The following ACACA variants were observed in gnomAD, a reference collection of about 807,000 sequenced individuals.
ACACA encodes acetyl-CoA carboxylase alpha, also known as acetyl-CoA carboxylase 1.
In ACACA, 103 loss-of-function variants were observed where a neutral mutation model predicts 296.1. The ratio of observed to expected loss-of-function variants is 0.35; its 90% CI spans 0.30 to 0.41. ACACA has a LOEUF of 0.41. ACACA is among the 10% of genes least tolerant of loss of function. The pLI, the probability that ACACA is intolerant of heterozygous loss-of-function variation, is 1.00. For synonymous variants in ACACA, 953 were observed against 1,038.6 expected, an observed-to-expected ratio of 0.92 and a Z score of 1.58; for missense variants, 1,554 against 2,989.7, an observed-to-expected ratio of 0.52 and a Z score of 11.20.
At chr17:37,362,241 A>G (rs1333183884) in intron 1 of ACACA, among the ~76,000 whole-genome samples, 1 of 152,224 alleles carries the variant, frequency 6.6e-6, no homozygotes, top group East Asian at 1.9e-4. Flanking sequence ...GTACTTTGCT[A>G]TAACAGCCCT....
chr17:37,226,389 T>C lies in ACACA; in HGVS notation c.3310A>G (p.Thr1104Ala). 6.2e-7 allele frequency: 1 copy of C among 1,614,180 alleles called. No individual in the cohort carries two copies. Among genetic ancestry groups the C allele is most frequent in the Non-Finnish European group, 8.5e-7 (1 of 1,180,034 alleles). Residue 1104 changes from threonine to alanine, a missense_variant, in exon 26 of 56, where the codon ACT becomes GCT. Thr to Ala is a moderately conservative substitution (Grantham distance 58). Around this residue, in one of 16 missense-constraint regions of ACACA, gnomAD observed 42 missense variants for 147.5 expected, o/e 0.28. Transcript: ENST00000616317. ...DELLNILTEL[T>A]QLSKTTNAKV... is the part of the protein sequence containing the mutation. ...GCATTGGTGGTCTTACTGAGTTGAG[T>C]TAGCTCTGTGAGAATATTCAGCAGC...
chr17:37,317,344 C>G (rs2047145918), intron 3 of ACACA, among the ~76,000 whole-genome samples: 1 of 152,086 alleles, frequency 6.6e-6, no homozygotes, highest in South Asian at 2.1e-4. Context: ...AATCCCAGCA[C>G]TTTGGGAGGC....
chr17:37,312,507 G>T (rs551530990), intron 3 of ACACA, among the ~76,000 whole-genome samples: 1 of 152,304 alleles, frequency 6.6e-6, no homozygotes, highest in East Asian at 1.9e-4. Flanking sequence ...GATAAATATT[G>T]AAAGCACTTA....
intron 44 of ACACA, among the ~76,000 whole-genome samples, chr17:37,150,676 C>A (rs2076000434): frequency 1.3e-5 from 2 of 151,846 alleles, no homozygotes; most frequent in African/African-American, 4.8e-5. Context: ...TCACTTGAGC[C>A]CAGGGGGTAA....
chr17:37,130,547 T>C (rs765947796), intron 45 of ACACA, among the ~76,000 whole-genome samples: 1 of 151,970 alleles, frequency 6.6e-6, no homozygotes, highest in Non-Finnish European at 1.5e-5. Context: ...GTTGTGCACA[T>C]GTACCCTAAA....
chr17:37,244,040 T>A (rs1168204833), intron 21 of ACACA, among the ~76,000 whole-genome samples: 1 of 152,032 alleles, frequency 6.6e-6, no homozygotes, highest in East Asian at 1.9e-4. Context: ...CGTAAGCATC[T>A]AACATTGCCC....
intron 1 of ACACA, chr17:37,365,607 A>G (rs779454672): frequency 4.1e-6 from 4 of 985,284 alleles, no homozygotes; most frequent in Non-Finnish European, 4.8e-6. Flanking sequence ...ATAAAAGAAA[A>G]ATAAGACACA....
At chr17:37,121,570 T>C in intron 49 of ACACA, 80 bp from the exon 50 acceptor site, 1 of 1,574,026 alleles carries the variant, frequency 6.4e-7, no homozygotes, top group Non-Finnish European at 8.7e-7. Flanking sequence ...AAGATTTTAC[T>C]TATTTAAAAC....
In ACACA at chr17:37,096,879, T is replaced by C. The variant is rs922976665; in HGVS notation, c.6891+117A>G. On this transcript the variant is annotated intron_variant, in intron 54 of 55. Transcript: ENST00000616317. ...GGGGAGGAAACAGCTTGGATCTCTATGTTTCCCTTCTACTCCTGCCCTTAG... is the reference window on the plus strand; with the variant it reads ...GGGGAGGAAACAGCTTGGATCTCTACGTTTCCCTTCTACTCCTGCCCTTAG... 34 of 1,235,798 alleles carry C rather than the reference T, an allele frequency of 2.8e-5. No individual in the cohort carries two copies. In the Middle Eastern group the frequency reaches 9.8e-4, roughly 36 times the overall value. The allele number at this position is 1,235,798 out of a possible 1,614,324, so 76.6% of individuals were successfully genotyped here.
intron 43 of ACACA, among the ~76,000 whole-genome samples, chr17:37,154,178 C>T (rs919671980): frequency 7.9e-5 from 12 of 151,998 alleles, no homozygotes; most frequent in African/African-American, 2.9e-4. Context: ...ATGATGGCAC[C>T]TGTCTATAGT....
intron 3 of ACACA, among the ~76,000 whole-genome samples, chr17:37,328,337 T>C (rs2147199933): frequency 6.6e-6 from 1 of 152,268 alleles, no homozygotes; most frequent in African/African-American, 2.4e-5. Context: ...CAGGCCATGA[T>C]AGGAGGATCG....
At chr17:37,381,863 G>A (rs911176438) in intron 1 of ACACA, among the ~76,000 whole-genome samples, 7 of 150,480 alleles carry the variant, frequency 4.7e-5, no homozygotes, top group African/African-American at 1.2e-4. Context: ...GCCTGACCTT[G>A]TGATCTGCCC....
intron 1 of ACACA, among the ~76,000 whole-genome samples, chr17:37,375,358 G>A (rs976055100): frequency 1.3e-5 from 2 of 151,752 alleles, no homozygotes; most frequent in African/African-American, 4.8e-5. Flanking sequence ...ATGGTAGTGG[G>A]CGCCTGTAGT....
In ACACA at chr17:37,086,838, T is replaced by TAA. The variant is rs2072233966; in HGVS notation, c.*476_*477dup. ...TGTGCTGGGCTAAGAGTCGGGGTAA[T>TAA]AAACAATGGACTTGAGGCTTCCTCC... On this transcript the variant is annotated 3_prime_UTR_variant, in exon 56 of 56. Transcript: ENST00000616317. 1 of 230,256 alleles carries TAA rather than the reference T, an allele frequency of 4.3e-6. No homozygotes were observed. Among genetic ancestry groups the TAA allele is most frequent in the South Asian group, 7.0e-5 (1 of 14,260 alleles). 14.3% of individuals were successfully genotyped at this position (230,256 alleles called of 1,614,324 possible).
At chr17:37,321,478 G>A (rs909375392) in intron 3 of ACACA, among the ~76,000 whole-genome samples, 13 of 152,238 alleles carry the variant, frequency 8.5e-5, no homozygotes, top group African/African-American at 2.9e-4. Context: ...GGCCGGGTGC[G>A]GTGGCTCACG....
At position 37,243,317 on chromosome 17, in the gene ACACA, C is replaced by T. The variant is rs1019522770; in HGVS notation, c.2931+54G>A. On this transcript the variant is annotated intron_variant, in intron 22 of 55. Coordinates refer to ENST00000616317, the MANE Select transcript of ACACA (RefSeq NM_198834.3). ...ATCCAAATAGGAAGGAATCCTACAA[C>T]ATAAACTCTGGCATTGGTAGCCAGA... 8 of 1,542,104 alleles carry T rather than the reference C, an allele frequency of 5.2e-6. No individual in the cohort carries two copies. In the African/African-American group the frequency reaches 9.6e-5, roughly 18 times the overall value.
rs767652546 is a variant in ACACA at position 37,277,968 on chromosome 17, A to G, written c.648T>C (p.Pro216=). The stretch of plus-strand genomic sequence containing the variant: ...CATAGTTGTTGTTGTTTGGTCCTCC[A>G]GGCACTGGCACATAGTGATCTGCCA... ...IKMADHYVPV[P]GGPNNNNYAN... is the part of the protein sequence containing the mutation. Residue 216 remains proline (P), a synonymous_variant, in exon 6 of 56, where the codon CCT becomes CCC. Transcript: ENST00000616317. 10 of 1,614,022 alleles carry G rather than the reference A, an allele frequency of 6.2e-6. No homozygotes were observed. The Admixed American group carries it at 1.7e-4, about 27-fold the overall frequency.
chr17:37,166,512 T>A, intron 41 of ACACA, among the ~76,000 whole-genome samples: 1 of 152,198 alleles, frequency 6.6e-6, no homozygotes. Context: ...ATTTTAGGAA[T>A]CATAGAATAA....
intron 41 of ACACA, among the ~76,000 whole-genome samples, chr17:37,171,338 G>C (rs1442434277): frequency 6.6e-6 from 1 of 152,106 alleles, no homozygotes; most frequent in Non-Finnish European, 1.5e-5. Flanking sequence ...CTAAGATCCA[G>C]AGAGCAGGAA....
Sources: gnomAD v4.1 joint callset for allele counts (sites outside exome capture counted in the v4.1 genomes callset) on GRCh38, gnomAD v4.1.1 for gene constraint, gnomAD v4.1.1 regional missense constraint, MANE v1.5 for transcripts, NCBI Gene and HGNC (gene_info 2026-07-23, HGNC 2026-07-21) for gene names.